The following RNF220 variants were observed in gnomAD, a reference collection of about 807,000 sequenced individuals.
RNF220 encodes the protein ring finger protein 220.
In RNF220, 7 loss-of-function variants were observed where a neutral mutation model predicts 67.1. The observed-to-expected ratio is 0.10, with a 90% CI of 0.06 to 0.20. The LOEUF (loss-of-function observed/expected upper bound fraction) is 0.20, where lower values mean the gene tolerates loss of function less well. Among genes scored for constraint, RNF220 ranks in the 10% least tolerant of loss-of-function variants. The pLI is 1.00. For synonymous variants in RNF220, 270 were observed against 283.2 expected (o/e 0.95, Z 0.47); for missense variants, 565 against 740.3 (o/e 0.76, Z 2.75).
chr1:44,635,701 G>A (rs764500071), intron 7 of RNF220, 113 bp downstream of exon 7: 13 of 1,556,496 alleles, frequency 8.4e-6, no homozygotes, highest in East Asian at 2.4e-5. Context: ...TTCCTTCCCC[G>A]CTCCCTTCCC....
chr1:44,522,653 T>TG (rs760083776), intron 2 of RNF220, among the ~76,000 whole-genome samples: 4 of 148,880 alleles, frequency 2.7e-5, no homozygotes, highest in African/African-American at 7.5e-5. Context: ...ACATCCCTCC[T>TG]GGGGGGGCGG....
intron 2 of RNF220, among the ~76,000 whole-genome samples, chr1:44,461,049 GTC>G (rs545831298): frequency 6.6e-6 from 1 of 152,184 alleles, no homozygotes; most frequent in Non-Finnish European, 1.5e-5. Flanking sequence ...TTTGATTGAT[GTC>G]TCTCTCTTAG....
chr1:44,650,521 T>TC lies in RNF220; in HGVS notation c.1630-177dup, dbSNP rs982638534. 1.6e-6 allele frequency: 1 copy of TC among 620,600 alleles called. No homozygotes were observed. 38.4% of individuals were successfully genotyped at this position (620,600 alleles called of 1,614,324 possible). The stretch of plus-strand genomic sequence containing the variant: ...CTGGCCAGGCGGTTTGATCCTGGCG[T>TC]CCCCCCAACACAGGAGCGTGCCTGC... On this transcript the variant is annotated intron_variant, in intron 14 of 14. Transcript: ENST00000361799. The surrounding 1 kb of genome is among the most constrained non-coding windows in gnomAD (Gnocchi z 4.3).
At position 44,565,988 on chromosome 1, in the gene RNF220, A is replaced by G. The variant is rs1663973288; in HGVS notation, c.626-48177A>G. Among the ~76,000 whole-genome samples the G allele has an allele frequency of 1.3e-5, 2 of 152,106 alleles. No individual in the cohort carries two copies. The highest frequency in any genetic ancestry group is 2.4e-5 in the African/African-American group (1 of 41,418). On this transcript the variant is annotated intron_variant, in intron 2 of 14. Coordinates refer to ENST00000361799, the MANE Select transcript of RNF220 (RefSeq NM_018150.4). This position sits in a 1 kb window ranked among gnomAD's most constrained non-coding sequence, Gnocchi z 4.2. ...AAATGGAGGCTTCGGCTGCCTTTAA[A>G]TAGTCCGATCTATCAGAGGGGCACA...
intron 2 of RNF220, among the ~76,000 whole-genome samples, chr1:44,453,388 C>T (rs1056510273): frequency 2.0e-5 from 3 of 152,092 alleles, no homozygotes; most frequent in Admixed American, 1.3e-4. Context: ...TTCCTGACTT[C>T]AATAGGTATG....
chr1:44,471,599 G>A (rs1023062853), intron 2 of RNF220, among the ~76,000 whole-genome samples: 23 of 152,020 alleles, frequency 1.5e-4, no homozygotes, highest in African/African-American at 4.3e-4. Flanking sequence ...TGAGGTGGGC[G>A]GATCACCTGA....
At chr1:44,634,102 G>A (rs940512937) in intron 6 of RNF220, among the ~76,000 whole-genome samples, 4 of 152,200 alleles carry the variant, frequency 2.6e-5, no homozygotes, top group Non-Finnish European at 2.9e-5. Flanking sequence ...TTCTGGGGTT[G>A]CTCTGTTTTG....
At chr1:44,405,176 T>G, upstream of RNF220, 1 of 278,000 alleles carries the variant, frequency 3.6e-6, no homozygotes, top group South Asian at 7.9e-5. Context: ...TGTATGTGTG[T>G]GAGTGTGAGA....
chr1:44,435,494 C>G (rs897319930), intron 2 of RNF220, among the ~76,000 whole-genome samples: 3 of 152,190 alleles, frequency 2.0e-5, no homozygotes, highest in African/African-American at 7.2e-5. Flanking sequence ...AGTGAAACTT[C>G]AGTGTGATTA....
At chr1:44,580,689 T>C (rs910216061) in intron 2 of RNF220, among the ~76,000 whole-genome samples, 1 of 152,202 alleles carries the variant, frequency 6.6e-6, no homozygotes, top group Non-Finnish European at 1.5e-5. Context: ...GGCTAGACCA[T>C]AAGACCCTTT....
chr1:44,416,032 A>T (rs1648498793), intron 2 of RNF220, among the ~76,000 whole-genome samples: 1 of 152,230 alleles, frequency 6.6e-6, no homozygotes, highest in African/African-American at 2.4e-5. Context: ...CTTTCCTGAT[A>T]GATGATTCTG....
intron 2 of RNF220, among the ~76,000 whole-genome samples, chr1:44,467,167 T>C (rs1023422616): frequency 6.6e-6 from 1 of 152,232 alleles, no homozygotes; most frequent in African/African-American, 2.4e-5. Flanking sequence ...ATGTCTTCTT[T>C]CCTTAAACGT....
At chr1:44,615,199 C>T (rs1228026321) in intron 3 of RNF220, among the ~76,000 whole-genome samples, 1 of 152,134 alleles carries the variant, frequency 6.6e-6, no homozygotes, top group Admixed American at 6.5e-5. Context: ...TCTTGCATGG[C>T]AGCTTTGGGC....
intron 2 of RNF220, among the ~76,000 whole-genome samples, chr1:44,602,451 G>A (rs1216120318): frequency 6.6e-6 from 1 of 152,088 alleles, no homozygotes; most frequent in Non-Finnish European, 1.5e-5. Context: ...AGAGTAAAGG[G>A]AGTATCTAGA....
intron 2 of RNF220, among the ~76,000 whole-genome samples, chr1:44,515,027 C>T (rs1454682212): frequency 1.3e-5 from 2 of 152,200 alleles, no homozygotes; most frequent in African/African-American, 4.8e-5. Context: ...CCTAGCAAGA[C>T]TGTTCCAGGG....
chr1:44,495,204 C>A (rs909833905), intron 2 of RNF220, among the ~76,000 whole-genome samples: 1 of 151,326 alleles, frequency 6.6e-6, no homozygotes. Context: ...CAGAGTGAGA[C>A]CCTGTCTCAA....
chr1:44,549,344 C>T (rs962557308), intron 2 of RNF220, among the ~76,000 whole-genome samples: 2 of 152,174 alleles, frequency 1.3e-5, no homozygotes, highest in African/African-American at 4.8e-5. Flanking sequence ...AAGTGAAGGT[C>T]AAGTTTAAGC....
intron 6 of RNF220, among the ~76,000 whole-genome samples, chr1:44,633,522 C>A (rs565340184): frequency 1.3e-5 from 2 of 152,298 alleles, no homozygotes; most frequent in South Asian, 4.1e-4. Context: ...AGGTGAAAAC[C>A]AAACCTGCCT....
At chr1:44,564,365 C>G (rs1000112059) in intron 2 of RNF220, among the ~76,000 whole-genome samples, 2 of 152,164 alleles carry the variant, frequency 1.3e-5, no homozygotes, top group Non-Finnish European at 2.9e-5. Flanking sequence ...GCCTGGATCT[C>G]TCCCCAGAGA....
Sources: gnomAD v4.1 joint callset for allele counts (sites outside exome capture counted in the v4.1 genomes callset) on GRCh38, gnomAD v4.1.1 for gene constraint, Gnocchi (gnomAD v3.1) non-coding constraint, MANE v1.5 for transcripts, NCBI Gene and HGNC (gene_info 2026-07-23, HGNC 2026-07-21) for gene names.